Variants in BTBD8 observed in about 807,000 individuals in gnomAD.
The protein encoded by BTBD8 is BTB domain containing 8, also known as BTB/POZ domain-containing protein 8.
BTBD8 carries 110 observed loss-of-function variants against 162.9 expected under a neutral mutation model. The ratio of observed to expected loss-of-function variants is 0.68; its 90% CI spans 0.58 to 0.79. BTBD8 has a LOEUF of 0.79. Among genes scored for constraint, BTBD8 ranks in the 30% least tolerant of loss-of-function variants. The probability of loss-of-function intolerance (pLI) is 0.00; values close to 1 mark genes in which losing one functional copy is unlikely to be tolerated. For synonymous variants in BTBD8, 667 were observed against 716.1 expected (o/e 0.93, Z 1.10); for missense variants, 1,905 against 2,085.4 (o/e 0.91, Z 1.68).
chr1:92,105,802 G>A (rs1158623995), intron 3 of BTBD8, among the ~76,000 whole-genome samples: 2 of 152,248 alleles, frequency 1.3e-5, no homozygotes, highest in African/African-American at 4.8e-5. Context: ...CAACTGGCCA[G>A]TGAGTATGTA....
At chr1:92,098,129 T>C (rs539143995) in intron 2 of BTBD8, among the ~76,000 whole-genome samples, 6 of 152,310 alleles carry the variant, frequency 3.9e-5, no homozygotes, top group Middle Eastern at 3.4e-3. Context: ...AAACTATTGC[T>C]TGTATAAACA....
chr1:92,122,894 A>G (rs1008383372), intron 4 of BTBD8, among the ~76,000 whole-genome samples: 2 of 152,202 alleles, frequency 1.3e-5, no homozygotes, highest in African/African-American at 4.8e-5. Context: ...ACTAGCCATA[A>G]ACTTTAGCTT....
chr1:92,104,389 G>T, intron 3 of BTBD8, among the ~76,000 whole-genome samples: 1 of 151,972 alleles, frequency 6.6e-6, no homozygotes, highest in Non-Finnish European at 1.5e-5. Context: ...ATTTAATTTA[G>T]TCTCATAAAA....
intron 9 of BTBD8, among the ~76,000 whole-genome samples, chr1:92,163,922 T>A (rs1358646277): frequency 6.6e-6 from 1 of 152,232 alleles, no homozygotes; most frequent in East Asian, 1.9e-4. Flanking sequence ...AAAAAAATGC[T>A]ACTGTCAGAG....
intron 4 of BTBD8, among the ~76,000 whole-genome samples, chr1:92,122,944 AT>A (rs1298106753): frequency 6.6e-6 from 1 of 152,060 alleles, no homozygotes; most frequent in Non-Finnish European, 1.5e-5. Flanking sequence ...CTTACCTGAT[AT>A]TTTTTGTTGT....
At chr1:92,139,493 GT>G in intron 6 of BTBD8, 63 bp downstream of exon 6, 1 of 1,555,010 alleles carries the variant, frequency 6.4e-7, no homozygotes, top group Non-Finnish European at 8.6e-7. Context: ...GTTGAGCTGT[GT>G]TGCAAAGTGT....
At chr1:92,095,984 T>C (rs1022413287) in intron 2 of BTBD8, among the ~76,000 whole-genome samples, 1 of 151,698 alleles carries the variant, frequency 6.6e-6, no homozygotes, top group Non-Finnish European at 1.5e-5. Context: ...CTTTTTTTTT[T>C]TTTCTGAGAC....
At chr1:92,091,632 G>T (rs1648306774) in intron 2 of BTBD8, among the ~76,000 whole-genome samples, 1 of 151,794 alleles carries the variant, frequency 6.6e-6, no homozygotes, top group South Asian at 2.1e-4. Flanking sequence ...CCTCCCGGTC[G>T]CCATTCTCCT....
intron 3 of BTBD8, among the ~76,000 whole-genome samples, chr1:92,104,052 T>C (rs1250834625): frequency 6.6e-6 from 1 of 152,246 alleles, no homozygotes; most frequent in Non-Finnish European, 1.5e-5. Context: ...TCAGTTCAGC[T>C]GAGTGCAGCT....
intron 2 of BTBD8, among the ~76,000 whole-genome samples, chr1:92,096,304 A>T (rs1648449328): frequency 6.6e-6 from 1 of 151,988 alleles, no homozygotes; most frequent in African/African-American, 2.4e-5. Context: ...TTATGTCCTC[A>T]TTTCCCTCCT....
chr1:92,115,763 C>T (rs1387177148), intron 4 of BTBD8: 3 of 235,758 alleles, frequency 1.3e-5, no homozygotes, highest in Admixed American at 8.1e-5. Context: ...ACCAGGCACC[C>T]AATATAGCCA....
chr1:92,144,162 C>T (rs536271845), intron 7 of BTBD8, among the ~76,000 whole-genome samples: 7 of 150,712 alleles, frequency 4.6e-5, no homozygotes, highest in Non-Finnish European at 8.9e-5. Context: ...TTAGTAGAGA[C>T]GGGGTTTTAT....
intron 5 of BTBD8, among the ~76,000 whole-genome samples, chr1:92,130,555 CACACACACACACAT>C (rs1649491921): frequency 6.9e-6 from 1 of 145,440 alleles, no homozygotes; most frequent in Non-Finnish European, 1.5e-5. Flanking sequence ...CACACACACA[CACACACACACACAT>C]ATACGCACAC....
intron 2 of BTBD8, among the ~76,000 whole-genome samples, chr1:92,094,565 C>T (rs1051868589): frequency 2.0e-5 from 3 of 152,144 alleles, no homozygotes; most frequent in Admixed American, 1.3e-4. Flanking sequence ...TATTGTAGCC[C>T]TTTGGTGTGT....
chr1:92,111,082 C>A (rs113842833), intron 4 of BTBD8, among the ~76,000 whole-genome samples: 3,746 of 151,924 alleles, frequency 0.025, 174 homozygotes, highest in African/African-American at 0.086. Context: ...ACCTCTGCCC[C>A]CCGGGTTCAA....
At chr1:92,165,070 A>G (rs1034264265) in intron 9 of BTBD8, among the ~76,000 whole-genome samples, 3 of 150,398 alleles carry the variant, frequency 2.0e-5, no homozygotes, top group African/African-American at 4.9e-5. Flanking sequence ...GCAGTGAGCC[A>G]TGTTCAAGCC....
At chr1:92,119,001 A>T (rs1039992697) in intron 4 of BTBD8, among the ~76,000 whole-genome samples, 11 of 151,328 alleles carry the variant, frequency 7.3e-5, no homozygotes, top group Non-Finnish European at 1.5e-4. Flanking sequence ...TGGGGCACTT[A>T]CTGTGAATAG....
At chr1:92,161,371 T>C (rs1021795300) in intron 9 of BTBD8, among the ~76,000 whole-genome samples, 11 of 152,232 alleles carry the variant, frequency 7.2e-5, no homozygotes, top group Non-Finnish European at 1.2e-4. Flanking sequence ...GATATGAAAG[T>C]GCTGCTACAT....
chr1:92,097,685 A>G (rs1439937701), intron 2 of BTBD8, among the ~76,000 whole-genome samples: 2 of 152,192 alleles, frequency 1.3e-5, no homozygotes, highest in Non-Finnish European at 2.9e-5. Flanking sequence ...GTATTTTCAC[A>G]GTTCATCTAT....
Sources: gnomAD v4.1 joint callset for allele counts (sites outside exome capture counted in the v4.1 genomes callset) on GRCh38, gnomAD v4.1.1 for gene constraint, MANE v1.5 for transcripts, NCBI Gene and HGNC (gene_info 2026-07-23, HGNC 2026-07-21) for gene names.